Variants in CENPE observed in about 807,000 individuals in gnomAD.
CENPE encodes the protein centromere-associated protein E.
Under a neutral mutation model 336.1 loss-of-function variants are expected in CENPE, and 145 were observed. That is an observed-to-expected ratio of 0.43 (90% CI 0.38 to 0.50). CENPE has a LOEUF of 0.50. Ranked by LOEUF, CENPE falls within the 20% of genes least tolerant of loss-of-function variation. The pLI, the probability that CENPE is intolerant of heterozygous loss-of-function variation, is 0.00. For missense variants in CENPE, 2,719 were observed against 3,023.3 expected (o/e 0.90, Z 2.36); for synonymous variants, 1,013 against 984.8 (o/e 1.03, Z -0.54).
At chr4:103,133,244 C>A (rs1751770499) in intron 41 of CENPE, among the ~76,000 whole-genome samples, 1 of 151,974 alleles carries the variant, frequency 6.6e-6, no homozygotes, top group Non-Finnish European at 1.5e-5. Context: ...GATGGTCTCA[C>A]TATGTTGCCC....
At chr4:103,180,526 T>C (rs552406183) in intron 12 of CENPE, 57 bp from the exon 13 acceptor site, 1 of 1,158,856 alleles carries the variant, frequency 8.6e-7, no homozygotes, top group Non-Finnish European at 1.2e-6. Flanking sequence ...TTTTAAAACC[T>C]TAAAGTAGCA....
rs540492796 is a variant in CENPE at position 103,144,493 on chromosome 4, T to C, written c.4983A>G (p.Glu1661=). The change falls in exon 33 of 49, where the codon GAA becomes GAG. Residue 1661 remains glutamate, a synonymous_variant. Transcript: ENST00000265148. ...EQFETQKLNL[E]NIETENIRLT... ...ACCTTATATTCTCCGTTTCTATGTT[T>C]TCCAGGTTTAACTTCTGGGTCTCAA... 20 of 1,614,164 alleles carry C rather than the reference T, an allele frequency of 1.2e-5. No homozygotes were observed. The highest frequency in any genetic ancestry group is 1.1e-4 in the African/African-American group (8 of 75,054).
intron 43 of CENPE, among the ~76,000 whole-genome samples, chr4:103,122,601 C>T (rs888948884): frequency 2.0e-5 from 3 of 152,186 alleles, no homozygotes; most frequent in Non-Finnish European, 2.9e-5. Flanking sequence ...GGTAATTGTA[C>T]GTTAACTGGT....
Position 103,158,379 on chromosome 4 carries a change from G to A in CENPE, c.2954C>T (p.Ser985Leu), listed in dbSNP as rs564058177. The A allele has an allele frequency of 3.1e-6, 5 of 1,608,420 alleles. No individual in the cohort carries two copies. The highest frequency in any genetic ancestry group is 2.2e-5 in the South Asian group (2 of 90,494). Residue 985 changes from serine to leucine, a missense_variant, in exon 24 of 49, where the codon TCG becomes TTG. Physicochemically the swap from Ser to Leu is moderately radical, Grantham distance 145. Around this residue, in one of 5 missense-constraint regions of CENPE, gnomAD observed 2,437 missense variants for 2,513.3 expected, o/e 0.97. Transcript: ENST00000265148. ...CCTGGAAACTTCCTCAGAAATTTTC[G>A]ATTTTAGTGTATTAATTGTTTCTTG... ...QHQETINTLKSKISEEVSRNL... is the reference protein window; with the variant it reads ...QHQETINTLKLKISEEVSRNL...
intron 36 of CENPE, 145 bp from the exon 37 acceptor site, chr4:103,140,559 A>G: frequency 1.4e-6 from 1 of 698,000 alleles, no homozygotes; most frequent in East Asian, 2.9e-5. Context: ...AGAAGAGTAA[A>G]GTAAAATTTT....
chr4:103,190,702 C>A (rs896704933), intron 8 of CENPE, among the ~76,000 whole-genome samples: 1 of 152,044 alleles, frequency 6.6e-6, no homozygotes, highest in African/African-American at 2.4e-5. Flanking sequence ...AGAAGAAAAC[C>A]TAGGCAATAC....
At position 103,196,852 on chromosome 4, in the gene CENPE, T is replaced by G; in HGVS notation, c.57-2A>C. ...GCAGTTTCTCCAAGTGATTCTTCTC[T>G]AAAAGAATAAAAACACCGCATTTTA... On this transcript the variant is annotated splice_acceptor_variant, in intron 1 of 48. Transcript: ENST00000265148. LOFTEE classifies it high-confidence loss of function. 1 of 1,451,968 alleles carries G rather than the reference T, an allele frequency of 6.9e-7. No homozygotes were observed. 89.9% of individuals were successfully genotyped at this position (1,451,968 alleles called of 1,614,324 possible).
At chr4:103,164,105 A>G (rs1231065181) in intron 16 of CENPE, among the ~76,000 whole-genome samples, 1 of 152,144 alleles carries the variant, frequency 6.6e-6, no homozygotes, top group Non-Finnish European at 1.5e-5. Flanking sequence ...CCAGTGCTAC[A>G]CAGGTATGGA....
At chr4:103,159,447 G>C (rs952698636) in intron 21 of CENPE, 123 bp from the exon 22 acceptor site, 4 of 563,786 alleles carry the variant, frequency 7.1e-6, no homozygotes, top group Non-Finnish European at 1.2e-5. Flanking sequence ...ATTTGACTGT[G>C]GAAAGGCAAT....
At position 103,133,325 on chromosome 4, in the gene CENPE, C is replaced by G. The variant is rs1010603992; in HGVS notation, c.6720+370G>C. Among the ~76,000 whole-genome samples the G allele has an allele frequency of 6.1e-4, 93 of 152,278 alleles. 1 individual carries two copies. The highest frequency in any genetic ancestry group is 2.2e-3 in the African/African-American group (90 of 41,558). On this transcript the variant is annotated intron_variant, in intron 41 of 48. Coordinates refer to ENST00000265148, the MANE Select transcript of CENPE (RefSeq NM_001813.3). Reference sequence around the variant, plus strand: ...CCTCTTAAGTAGCTGGAATTACAGGCATGCCACTGGGGCTGGCTTCATGAA... The same window carrying G: ...CCTCTTAAGTAGCTGGAATTACAGGGATGCCACTGGGGCTGGCTTCATGAA...
intron 24 of CENPE, 137 bp downstream of exon 24, chr4:103,158,163 G>T: frequency 1.6e-6 from 1 of 612,598 alleles, no homozygotes; most frequent in Non-Finnish European, 2.5e-6. Flanking sequence ...AGGCATTAGG[G>T]ATAAGCTTGT....
At chr4:103,106,381 G>T in intron 48 of CENPE, 65 bp from the exon 49 acceptor site, 1 of 1,283,480 alleles carries the variant, frequency 7.8e-7, no homozygotes, top group Non-Finnish European at 1.1e-6. Flanking sequence ...AAGCACAGCT[G>T]GAAGTGGAAA....
chr4:103,154,282 A>T (rs527343981), intron 24 of CENPE, among the ~76,000 whole-genome samples: 122 of 152,064 alleles, frequency 8.0e-4, no homozygotes, highest in African/African-American at 2.8e-3. Flanking sequence ...TTTTTCCATT[A>T]AAGGTTTTTT....
chr4:103,166,295 G>C (rs1035698599), intron 16 of CENPE, among the ~76,000 whole-genome samples: 1 of 152,150 alleles, frequency 6.6e-6, no homozygotes, highest in South Asian at 2.1e-4. Context: ...AATAGGATTG[G>C]ATCTGCGGTA....
At chr4:103,181,243 A>C in intron 12 of CENPE, 94 bp downstream of exon 12, 1 of 837,240 alleles carries the variant, frequency 1.2e-6, no homozygotes, top group Non-Finnish European at 1.7e-6. Context: ...GTAGCAACTC[A>C]GATATTCAGG....
rs1331282907 is a variant in CENPE at position 103,161,114 on chromosome 4, G to A, written c.2103C>T (p.Thr701=). 3.1e-6 allele frequency: 5 copies of A among 1,603,460 alleles called. No homozygotes were observed. The highest frequency in any genetic ancestry group is 4.3e-6 in the Non-Finnish European group (5 of 1,176,452). ...TTGGAACTTTGCCATCTATAAGGGAGGTGAGTTTTGTTATCTCATTAAAAG... is the reference window on the plus strand; with the variant it reads ...TTGGAACTTTGCCATCTATAAGGGAAGTGAGTTTTGTTATCTCATTAAAAG... ...QSAFNEITKL[T]SLIDGKVPKD... Residue 701 remains threonine (T), a synonymous_variant, in exon 20 of 49, where the codon ACC becomes ACT. Coordinates refer to ENST00000265148, the MANE Select transcript of CENPE (RefSeq NM_001813.3).
At chr4:103,146,147 A>C in intron 29 of CENPE, 40 bp from the exon 30 acceptor site, 2 of 1,567,890 alleles carry the variant, frequency 1.3e-6, no homozygotes, top group Non-Finnish European at 1.7e-6. Context: ...ATATCCAGAG[A>C]TATTGTGTTT....
chr4:103,191,286 C>T (rs1333791802), intron 8 of CENPE, among the ~76,000 whole-genome samples: 1 of 152,142 alleles, frequency 6.6e-6, no homozygotes, highest in Non-Finnish European at 1.5e-5. Context: ...ACCCAGCCAT[C>T]CCATTACTGG....
chr4:103,194,088 T>C (rs1757563248), intron 8 of CENPE, 141 bp downstream of exon 8: 1 of 624,488 alleles, frequency 1.6e-6, no homozygotes, highest in Non-Finnish European at 2.8e-6. Context: ...TTGATGATAC[T>C]GACAAGACTA....
Sources: allele counts gnomAD v4.1 joint callset (sites outside exome capture counted in the v4.1 genomes callset), GRCh38; gene constraint gnomAD v4.1.1; regional missense constraint gnomAD v4.1.1; transcripts MANE v1.5; gene names NCBI Gene and HGNC (gene_info 2026-07-23, HGNC 2026-07-21).